Variants in ASXL2 observed in about 807,000 individuals in gnomAD.
ASXL2 encodes the protein ASXL transcriptional regulator 2.
Under a neutral mutation model 122.0 loss-of-function variants are expected in ASXL2, and 23 were observed. The ratio of observed to expected loss-of-function variants is 0.19; its 90% CI spans 0.14 to 0.27. The LOEUF is 0.27. ASXL2 is among the 10% of genes least tolerant of loss of function. The pLI, the probability that ASXL2 is intolerant of heterozygous loss-of-function variation, is 1.00. For missense variants in ASXL2, 1,518 were observed against 1,713.8 expected (o/e 0.89, Z 2.02); for synonymous variants, 650 against 637.0 (o/e 1.02, Z -0.31).
intron 3 of ASXL2, among the ~76,000 whole-genome samples, chr2:25,819,671 T>C (rs975445704): frequency 1.3e-5 from 2 of 152,148 alleles, no homozygotes; most frequent in Admixed American, 1.3e-4. Flanking sequence ...TCATGAAAGA[T>C]AAAGACTGAA....
In ASXL2 at chr2:25,771,509, T is replaced by G. The variant is rs773995056; in HGVS notation, c.435A>C (p.Pro145=). The G allele has an allele frequency of 1.5e-5, 24 of 1,613,614 alleles. No homozygotes were observed. In the Admixed American group the frequency reaches 3.7e-4, roughly 25 times the overall value. The change falls in exon 6 of 13, where the codon CCA becomes CCC. Residue 145 remains proline, a synonymous_variant. Coordinates refer to ENST00000435504, the MANE Select transcript of ASXL2 (RefSeq NM_018263.6). ...VSSSSPQSGC[P]SPTIPAGKVI... is the part of the protein sequence containing the mutation. ...CTTTACCTGCTGGAATGGTGGGTGA[T>G]GGGCAGCCTGACTGCGGGGAGGACG...
intron 5 of ASXL2, among the ~76,000 whole-genome samples, chr2:25,796,895 G>T (rs2088918701): frequency 1.3e-5 from 2 of 152,112 alleles, no homozygotes; most frequent in Middle Eastern, 3.4e-3. Context: ...ATGTCAAAAA[G>T]AAAAGAAATC....
chr2:25,804,546 C>A (rs1368064794), intron 4 of ASXL2, among the ~76,000 whole-genome samples: 1 of 152,212 alleles, frequency 6.6e-6, no homozygotes, highest in African/African-American at 2.4e-5. Context: ...AGGAGAAACT[C>A]TGACTGAGAG....
rs568758280 is a variant in ASXL2, at chr2:25,736,305, C to T, written c.*5724G>A. 2.6e-5 allele frequency: 4 copies of T among 152,288 alleles called. No homozygotes were observed. Among genetic ancestry groups the T allele is most frequent in the African/African-American group, 9.6e-5 (4 of 41,560 alleles). The allele number at this position is 152,288 out of a possible 1,614,324, so 9.4% of individuals were successfully genotyped here. ...CTCTACTTGCAGGCACCCATGTCAT[C>T]ACCTGAATATAAATTTATCTTCCCA... On this transcript the variant is annotated 3_prime_UTR_variant, in exon 13 of 13. Coordinates refer to ENST00000435504, the MANE Select transcript of ASXL2 (RefSeq NM_018263.6).
intron 6 of ASXL2, among the ~76,000 whole-genome samples, chr2:25,770,760 G>A (rs1481801772): frequency 6.6e-6 from 1 of 152,116 alleles, no homozygotes; most frequent in Non-Finnish European, 1.5e-5. Context: ...AAATCTAGCT[G>A]TGTGTAATTC....
intron 1 of ASXL2, chr2:25,856,831 T>C: frequency 1.0e-6 from 1 of 994,440 alleles, no homozygotes; most frequent in East Asian, 2.4e-5. Context: ...ACAATCTGGA[T>C]GTCCACCCCT....
rs1161874458 is a variant in ASXL2, at chr2:25,766,993, C to T, written c.775+590G>A. ...GTGGCTGCTTTATCCCTGGCAACTG[C>T]TCTTCAGCTCAGTGAAAAATTCTAT... On this transcript the variant is annotated intron_variant, in intron 8 of 12. Transcript: ENST00000435504. 2.0e-5 allele frequency among the ~76,000 whole-genome samples: 3 copies of T among 152,284 alleles called. No individual in the cohort carries two copies. The East Asian group carries it at 5.8e-4, about 29-fold the overall frequency.
intron 3 of ASXL2, among the ~76,000 whole-genome samples, chr2:25,832,723 A>C (rs1381106378): frequency 6.6e-6 from 1 of 151,920 alleles, no homozygotes; most frequent in African/African-American, 2.4e-5. Flanking sequence ...TGCCCATACA[A>C]AAACATTTAC....
chr2:25,846,217 A>G (rs969147382), intron 1 of ASXL2, among the ~76,000 whole-genome samples: 3 of 152,220 alleles, frequency 2.0e-5, no homozygotes, highest in Admixed American at 2.0e-4. Flanking sequence ...GGATAGAGGG[A>G]GAGAAAATTA....
chr2:25,746,521 G>C (rs1574392831), intron 12 of ASXL2, among the ~76,000 whole-genome samples: 1 of 137,156 alleles, frequency 7.3e-6, no homozygotes, highest in African/African-American at 2.7e-5. Context: ...AAAAAAAAAA[G>C]ATAAAACTAA....
At chr2:25,791,214 C>A (rs1176075943) in intron 5 of ASXL2, among the ~76,000 whole-genome samples, 1 of 151,906 alleles carries the variant, frequency 6.6e-6, no homozygotes, top group Non-Finnish European at 1.5e-5. Flanking sequence ...TGAGGCCGGG[C>A]GTGGAGGCCT....
chr2:25,774,593 TCA>T (rs1461247249), intron 5 of ASXL2, among the ~76,000 whole-genome samples: 1 of 152,250 alleles, frequency 6.6e-6, no homozygotes, highest in Non-Finnish European at 1.5e-5. Flanking sequence ...TGTGAAAATA[TCA>T]CACAATTATT....
chr2:25,869,291 C>T (rs1458870629), intron 1 of ASXL2, among the ~76,000 whole-genome samples: 2 of 151,810 alleles, frequency 1.3e-5, no homozygotes, highest in African/African-American at 2.4e-5. Context: ...AGATCCACCA[C>T]TGTACTCCAG....
At chr2:25,752,646 G>A (rs1158575112) in intron 11 of ASXL2, among the ~76,000 whole-genome samples, 8 of 151,892 alleles carry the variant, frequency 5.3e-5, no homozygotes, top group South Asian at 2.1e-4. Flanking sequence ...TCAGGAGTTC[G>A]AGACCAGCCT....
chr2:25,824,560 C>T (rs965001321), intron 3 of ASXL2, among the ~76,000 whole-genome samples: 3 of 152,080 alleles, frequency 2.0e-5, no homozygotes, highest in Admixed American at 2.0e-4. Context: ...TATCTAAAAA[C>T]TGTTAGCCAT....
At chr2:25,823,936 T>A (rs867893926) in intron 3 of ASXL2, among the ~76,000 whole-genome samples, 6 of 151,970 alleles carry the variant, frequency 3.9e-5, no homozygotes, top group African/African-American at 1.5e-4. Flanking sequence ...AAATTTGGGA[T>A]TATTTCTCTG....
intron 11 of ASXL2, among the ~76,000 whole-genome samples, chr2:25,753,152 T>G (rs1386246654): frequency 6.6e-6 from 1 of 151,106 alleles, no homozygotes; most frequent in Non-Finnish European, 1.5e-5. Flanking sequence ...TTTTTTTAAG[T>G]AGAGACGGGG....
In ASXL2 at chr2:25,742,679, G is replaced by A; in HGVS notation, c.3658C>T (p.Leu1220=). The part of the protein sequence containing the change: ...TSSGPHSRET[L]STSDCLASKN... The stretch of plus-strand genomic sequence containing the variant: ...CTAGCTAAGCAATCACTGGTAGATA[G>A]AGTTTCCCTGCTGTGAGGTCCTGAA... Residue 1220 remains leucine, a synonymous_variant, in exon 13 of 13, where the codon CTA becomes TTA. Coordinates refer to ENST00000435504, the MANE Select transcript of ASXL2 (RefSeq NM_018263.6). The A allele has an allele frequency of 1.9e-6, 3 of 1,613,960 alleles. No homozygotes were observed. The highest frequency in any genetic ancestry group is 1.7e-6 in the Non-Finnish European group (2 of 1,179,898).
intron 5 of ASXL2, among the ~76,000 whole-genome samples, chr2:25,775,210 C>T (rs1408606594): frequency 6.6e-6 from 1 of 152,172 alleles, no homozygotes; most frequent in Non-Finnish European, 1.5e-5. Context: ...TCACTGCAAC[C>T]TCTGCTTCTC....
Sources: gnomAD v4.1 joint callset for allele counts (sites outside exome capture counted in the v4.1 genomes callset) on GRCh38, gnomAD v4.1.1 for gene constraint, MANE v1.5 for transcripts, NCBI Gene and HGNC (gene_info 2026-07-23, HGNC 2026-07-21) for gene names.